Variants in B4GALNT3 observed in about 807,000 individuals in gnomAD.
B4GALNT3 encodes the protein beta-1,4-N-acetyl-galactosaminyltransferase 3, also known as beta-1,4-N-acetylgalactosaminyltransferase 3.
In B4GALNT3, 86 loss-of-function variants were observed where a neutral mutation model predicts 120.2. That is an observed-to-expected ratio of 0.72 (90% confidence interval 0.60 to 0.86). The LOEUF (loss-of-function observed/expected upper bound fraction) is 0.86, where lower values mean the gene tolerates loss of function less well. Ranked by LOEUF, B4GALNT3 falls within the 40% of genes least tolerant of loss-of-function variation. The pLI is 0.00. For missense variants in B4GALNT3, 1,167 were observed against 1,298.9 expected (o/e 0.90, Z 1.56); for synonymous variants, 518 against 510.4 (o/e 1.01, Z -0.20).
intron 1 of B4GALNT3, among the ~76,000 whole-genome samples, chr12:517,472 A>G (rs1379803879): frequency 6.6e-6 from 1 of 152,146 alleles, no homozygotes; most frequent in Non-Finnish European, 1.5e-5. Flanking sequence ...GACCCAAGAC[A>G]GGTGTCTTGT....
intron 1 of B4GALNT3, among the ~76,000 whole-genome samples, chr12:466,953 GAC>G (rs1374633947): frequency 1.3e-5 from 2 of 151,938 alleles, no homozygotes; most frequent in Non-Finnish European, 2.9e-5. Flanking sequence ...CCACGATGAA[GAC>G]ACAGAGTATT....
chr12:531,993 G>T (rs1157405397), intron 1 of B4GALNT3, among the ~76,000 whole-genome samples: 1 of 151,658 alleles, frequency 6.6e-6, no homozygotes, highest in African/African-American at 2.4e-5. Flanking sequence ...AAAAGGGAGG[G>T]TCTTGTTATG....
At chr12:511,518 C>A in intron 1 of B4GALNT3, among the ~76,000 whole-genome samples, 1 of 106,720 alleles carries the variant, frequency 9.4e-6, no homozygotes, top group Non-Finnish European at 2.1e-5. Context: ...CACCTTCTTC[C>A]ACCTTCCACC....
chr12:548,284 G>C lies in B4GALNT3; in HGVS notation c.840G>C (p.Leu280=), dbSNP rs148446452. Residue 280 remains leucine, a synonymous_variant, in exon 9 of 20, where the codon CTG becomes CTC. Coordinates refer to ENST00000266383, the MANE Select transcript of B4GALNT3 (RefSeq NM_173593.4). This position sits in a 1 kb window ranked among gnomAD's most constrained non-coding sequence, Gnocchi z 4.9. The stretch of plus-strand genomic sequence containing the variant: ...TCACCATCATTGACTCCCTCTCCCT[G>C]TCCCTCTTCACAAGTGAGTAGGCTC... The part of the protein sequence containing the change: ...AKFTIIDSLS[L]SLFTNETFLQ... 59 of 1,614,062 alleles carry C rather than the reference G, an allele frequency of 3.7e-5. No individual in the cohort carries two copies. The African/African-American group carries it at 7.3e-4, about 20-fold the overall frequency.
At chr12:467,734 CA>C (rs1297504297) in intron 1 of B4GALNT3, among the ~76,000 whole-genome samples, 2 of 152,184 alleles carry the variant, frequency 1.3e-5, no homozygotes, top group Non-Finnish European at 2.9e-5. Context: ...CTCAAGACTG[CA>C]GGATACATAG....
At chr12:543,075 C>A in intron 3 of B4GALNT3, 1 of 1,271,896 alleles carries the variant, frequency 7.9e-7, no homozygotes, top group Non-Finnish European at 1.0e-6. Context: ...AACCATTGTC[C>A]CCGTTGCCTG....
chr12:497,114 C>T (rs1479346589), intron 1 of B4GALNT3, among the ~76,000 whole-genome samples: 1 of 152,058 alleles, frequency 6.6e-6, no homozygotes, highest in African/African-American at 2.4e-5. Context: ...GGATTACAGG[C>T]GTGGGCCATC....
At chr12:465,158 T>C (rs1391887030) in intron 1 of B4GALNT3, among the ~76,000 whole-genome samples, 2 of 152,184 alleles carry the variant, frequency 1.3e-5, no homozygotes, top group Admixed American at 1.3e-4. Context: ...GGTGGGTGTG[T>C]GCCTCTCTGT....
intron 1 of B4GALNT3, among the ~76,000 whole-genome samples, chr12:511,367 ACCTTCCG>A (rs1207520349): frequency 1.0e-4 from 5 of 47,948 alleles, no homozygotes; most frequent in Non-Finnish European, 1.5e-4. Context: ...TCCACCTTCA[ACCTTCCG>A]CCTTCCGCCT....
chr12:511,576 TCTTCCAC>T (rs1360481608), intron 1 of B4GALNT3, among the ~76,000 whole-genome samples: 3 of 45,892 alleles, frequency 6.5e-5, no homozygotes, highest in African/African-American at 9.5e-5. Context: ...CCTTCGACCT[TCTTCCAC>T]CTTCCACCTT....
At chr12:501,119 C>T (rs12315110) in intron 1 of B4GALNT3, among the ~76,000 whole-genome samples, 32,943 of 151,752 alleles carry the variant, frequency 0.22, 4,722 homozygotes, top group African/African-American at 0.36. Flanking sequence ...AGGTGATCCA[C>T]CCCCCTCAGC....
intron 1 of B4GALNT3, among the ~76,000 whole-genome samples, chr12:519,483 A>G (rs1373838584): frequency 1.3e-5 from 2 of 152,134 alleles, no homozygotes; most frequent in African/African-American, 2.4e-5. Context: ...AAGGGTTCAA[A>G]TGTTCACCGC....
intron 1 of B4GALNT3, among the ~76,000 whole-genome samples, chr12:470,863 C>T (rs28712766): frequency 0.085 from 12,855 of 151,832 alleles, 1,082 homozygotes; most frequent in African/African-American, 0.22. Context: ...CTCAATCTCC[C>T]GAGTAGCTGG....
rs147742534 is a variant in B4GALNT3 at position 535,267 on chromosome 12, G to A, written c.271G>A (p.Glu91Lys). The A allele has an allele frequency of 2.9e-5, 47 of 1,613,076 alleles. No individual in the cohort carries two copies. The highest frequency in any genetic ancestry group is 8.0e-5 in the African/African-American group (6 of 74,902). Residue 91 changes from glutamate to lysine, a missense_variant and splice_region_variant, in exon 2 of 20, where the codon GAG becomes AAG. Transcript: ENST00000266383. ...CTACCATCCCCAGAGGCTGAGCCTC[G>A]AGGTAGGTGACCAGCCAGTCCATTG... ...QFYHPQRLSLEDHDIDQGVSS... is the reference protein window; with the variant it reads ...QFYHPQRLSLKDHDIDQGVSS...
chr12:534,580 C>G (rs1946839739), intron 1 of B4GALNT3, among the ~76,000 whole-genome samples: 1 of 152,198 alleles, frequency 6.6e-6, no homozygotes, highest in Admixed American at 6.5e-5. Context: ...CACACGCAGC[C>G]TCCCGGTGAC....
At chr12:559,242 TTCC>T (rs1947195486) in intron 18 of B4GALNT3, 50 bp from the exon 19 acceptor site, 54 of 1,609,996 alleles carry the variant, frequency 3.4e-5, no homozygotes, top group Non-Finnish European at 4.4e-5. Context: ...GCCTCCTTCC[TTCC>T]TCCTCCTGGC....
chr12:469,472 A>G (rs181461889), intron 1 of B4GALNT3, among the ~76,000 whole-genome samples: 19 of 152,338 alleles, frequency 1.2e-4, no homozygotes, highest in Admixed American at 1.2e-3. Flanking sequence ...TAAACTTCTC[A>G]GCCCATGACA....
At chr12:517,992 G>C (rs1946673250) in intron 1 of B4GALNT3, among the ~76,000 whole-genome samples, 1 of 152,212 alleles carries the variant, frequency 6.6e-6, no homozygotes, top group Non-Finnish European at 1.5e-5. Context: ...AAGATCTGGG[G>C]CAAATCATGT....
chr12:512,954 C>CTTCCACCTTCCACT, intron 1 of B4GALNT3, among the ~76,000 whole-genome samples: 1 of 135,874 alleles, frequency 7.4e-6, no homozygotes, highest in African/African-American at 2.5e-5. Context: ...CTTCTTCCAC[C>CTTCCACCTTCCACT]TTCCACCTTC....
Sources: gnomAD v4.1 joint callset for allele counts (sites outside exome capture counted in the v4.1 genomes callset) on GRCh38, gnomAD v4.1.1 for gene constraint, Gnocchi (gnomAD v3.1) non-coding constraint, MANE v1.5 for transcripts, NCBI Gene and HGNC (gene_info 2026-07-23, HGNC 2026-07-21) for gene names.